The following LEO1 variants were observed in gnomAD, a reference collection of about 807,000 sequenced individuals.
LEO1 encodes the protein LEO1 component of Paf1/RNA polymerase II complex.
In LEO1, 34 loss-of-function variants were observed where a neutral mutation model predicts 80.4. The ratio of observed to expected loss-of-function variants is 0.42; its 90% CI spans 0.32 to 0.56. The LOEUF (loss-of-function observed/expected upper bound fraction) is 0.56, where lower values mean the gene tolerates loss of function less well. Among genes scored for constraint, LEO1 ranks in the 20% least tolerant of loss-of-function variants. The pLI is 0.10. For synonymous variants in LEO1, 262 were observed against 274.9 expected (o/e 0.95, Z 0.46); for missense variants, 631 against 814.2 (o/e 0.77, Z 2.74).
At chr15:51,962,956 T>C (rs1487344434) in intron 2 of LEO1, among the ~76,000 whole-genome samples, 1 of 145,476 alleles carries the variant, frequency 6.9e-6, no homozygotes, top group African/African-American at 2.5e-5. Flanking sequence ...CTCTAGTGTG[T>C]GTTAATTTAA....
In LEO1 at chr15:51,950,014, C is replaced by G. The variant is rs372424330; in HGVS notation, c.1612-20G>C. 27 of 1,588,900 alleles carry G rather than the reference C, an allele frequency of 1.7e-5. No homozygotes were observed. The highest frequency in any genetic ancestry group is 2.1e-5 in the Non-Finnish European group (24 of 1,169,418). The stretch of plus-strand genomic sequence containing the variant: ...TTCTTTCTGTAAAGAAGCAAATAAC[C>G]TCTTTAACCTAAAAAGGAGCTACTT... On this transcript the variant is annotated intron_variant, in intron 9 of 11. Transcript: ENST00000299601.
rs571297038 is a variant in LEO1 at position 51,943,733 on chromosome 15, C to CA, written c.1896+3558dup. ...AAAGAAAGAAAGAAAGGCATGATAA[C>CA]AATGTATTAGCAAGACAGAATATCA... On this transcript the variant is annotated intron_variant, in intron 11 of 11. Coordinates refer to ENST00000299601, the MANE Select transcript of LEO1 (RefSeq NM_138792.4). 1.7e-3 allele frequency among the ~76,000 whole-genome samples: 209 copies of CA among 121,788 alleles called. 1 individual carries two copies. The highest frequency in any genetic ancestry group is 6.2e-3 in the African/African-American group (202 of 32,334). The allele number at this position is 121,788 out of a possible 152,430, so 79.9% of individuals were successfully genotyped here.
intron 6 of LEO1, among the ~76,000 whole-genome samples, chr15:51,955,218 G>A (rs550669345): frequency 2.6e-5 from 4 of 152,254 alleles, no homozygotes; most frequent in Non-Finnish European, 5.9e-5. Flanking sequence ...GATTACAGGC[G>A]TGAGCCACCA....
chr15:51,964,005 G>C (rs189728862), intron 2 of LEO1, among the ~76,000 whole-genome samples: 1 of 151,998 alleles, frequency 6.6e-6, no homozygotes, highest in East Asian at 1.9e-4. Flanking sequence ...AGGAGATCGA[G>C]ACCATCCTGG....
chr15:51,952,530 A>AG (rs1566882923), intron 8 of LEO1, among the ~76,000 whole-genome samples: 1 of 152,148 alleles, frequency 6.6e-6, no homozygotes, highest in Non-Finnish European at 1.5e-5. Flanking sequence ...CCCCCTCTAA[A>AG]GATAAGCATT....
At chr15:51,954,989 T>G (rs1289736461) in intron 6 of LEO1, 1 of 152,828 alleles carries the variant, frequency 6.5e-6, no homozygotes, top group Non-Finnish European at 1.4e-5. Context: ...CAGGCTGGAG[T>G]GCAGTGGCGC....
intron 2 of LEO1, among the ~76,000 whole-genome samples, chr15:51,964,261 G>A (rs1292117199): frequency 6.6e-6 from 1 of 151,796 alleles, no homozygotes; most frequent in Non-Finnish European, 1.5e-5. Flanking sequence ...GGACATGGAT[G>A]AAGCTGGAAA....
chr15:51,954,793 T>C, intron 6 of LEO1: 1 of 519,472 alleles, frequency 1.9e-6, no homozygotes, highest in South Asian at 2.3e-5. Context: ...ATTTCTGAGC[T>C]CCTAGAATCA....
In LEO1 at chr15:51,949,913, G is replaced by A; in HGVS notation, c.1693C>T (p.Leu565=). ...RMREKQHQRG[L]SASYLEPDRY... is the part of the protein sequence containing the mutation. ...TCAGGTTCCAGGTAACTGGCGCTCA[G>A]CCCCCGCTGGTGCTGTTTCTCTCTC... Residue 565 remains leucine (L), a synonymous_variant, in exon 10 of 12, where the codon CTG becomes TTG. Transcript: ENST00000299601. The A allele has an allele frequency of 1.9e-6, 3 of 1,614,058 alleles. No individual in the cohort carries two copies. Among genetic ancestry groups the A allele is most frequent in the Non-Finnish European group, 2.5e-6 (3 of 1,180,020 alleles).
In LEO1 at chr15:51,938,159, A is replaced by C. The variant is rs748577422; in HGVS notation, c.1998T>G (p.Asp666Glu). The C allele has an allele frequency of 6.6e-7, 1 of 1,521,488 alleles. No individual in the cohort carries two copies. The highest frequency in any genetic ancestry group is 9.1e-7 in the Non-Finnish European group (1 of 1,099,618). 94.2% of individuals were successfully genotyped at this position (1,521,488 alleles called of 1,614,324 possible). ...AAATGTTTTCATATTTCATACTTCA[A>C]TCATCATCTTCTTCCTCTTCATCGC... Reference protein sequence around the residue: ...VISDEEEEDDD With the variant: ...VISDEEEEDDE The change falls in exon 12 of 12, where the codon GAT (aspartate) becomes GAG (glutamate). Residue 666 changes from aspartate (D) to glutamate (E), a missense_variant. Around this residue, in one of 4 missense-constraint regions of LEO1, gnomAD observed 117 missense variants for 163.5 expected, o/e 0.72. Transcript: ENST00000299601.
intron 11 of LEO1, among the ~76,000 whole-genome samples, chr15:51,946,006 C>T (rs2056897540): frequency 6.6e-6 from 1 of 151,568 alleles, no homozygotes; most frequent in Non-Finnish European, 1.5e-5. Flanking sequence ...TGCACTCCAG[C>T]CTGGGCAACA....
chr15:51,952,059 A>G, intron 8 of LEO1, 80 bp from the exon 9 acceptor site: 4 of 1,297,294 alleles, frequency 3.1e-6, no homozygotes, highest in Non-Finnish European at 4.3e-6. Flanking sequence ...CACAGAAGTA[A>G]GAGCCCAGTG....
Position 51,959,973 on chromosome 15 carries a change from T to C in LEO1, c.1086A>G (p.Ile362Met), listed in dbSNP as rs757999574. 1.9e-6 allele frequency: 3 copies of C among 1,613,584 alleles called. No homozygotes were observed. Among genetic ancestry groups the C allele is most frequent in the Non-Finnish European group, 1.7e-6 (2 of 1,179,692 alleles). ...PIPETRIEVE[I>M]PKVNTDLGND... The stretch of plus-strand genomic sequence containing the variant: ...TTCCTAAATCAGTGTTTACTTTGGG[T>C]ATTTCTACTTCTATTCTGGTCTCAG... The change falls in exon 5 of 12, where the codon ATA becomes ATG. Residue 362 changes from isoleucine (I) to methionine (M), a missense_variant. Around this residue, in one of 4 missense-constraint regions of LEO1, gnomAD observed 95 missense variants for 171.7 expected, o/e 0.55. Transcript: ENST00000299601.
chr15:51,967,537 C>T (rs2057087953), intron 1 of LEO1, among the ~76,000 whole-genome samples: 1 of 152,290 alleles, frequency 6.6e-6, no homozygotes, highest in South Asian at 2.1e-4. Context: ...TCTACACATC[C>T]AACAAGTTCA....
At chr15:51,962,004 A>G (rs1030237622) in intron 3 of LEO1, among the ~76,000 whole-genome samples, 1 of 151,930 alleles carries the variant, frequency 6.6e-6, no homozygotes, top group African/African-American at 2.4e-5. Context: ...TCTACTAAAA[A>G]TACAAAAAAT....
chr15:51,950,519 A>G (rs2141755705), intron 9 of LEO1, among the ~76,000 whole-genome samples: 1 of 152,310 alleles, frequency 6.6e-6, no homozygotes, highest in South Asian at 2.1e-4. Flanking sequence ...TCCTAGAGCC[A>G]CAAGGTAGAC....
intron 11 of LEO1, among the ~76,000 whole-genome samples, chr15:51,940,497 G>A (rs2056841535): frequency 6.6e-6 from 1 of 151,508 alleles, no homozygotes; most frequent in Admixed American, 6.6e-5. Context: ...GGAGATGGAG[G>A]TTGCAGTGAG....
intron 5 of LEO1, 50 bp downstream of exon 5, chr15:51,959,849 C>T: frequency 2.1e-6 from 3 of 1,444,672 alleles, no homozygotes; most frequent in Non-Finnish European, 2.8e-6. Context: ...AATAAACATT[C>T]TATGTATTTC....
intron 11 of LEO1, among the ~76,000 whole-genome samples, chr15:51,942,546 C>T (rs1191589589): frequency 6.6e-6 from 1 of 152,326 alleles, no homozygotes; most frequent in South Asian, 2.1e-4. Flanking sequence ...TGAGGACTCA[C>T]ATTTGCCTGT....
Sources: allele counts gnomAD v4.1 joint callset (sites outside exome capture counted in the v4.1 genomes callset), GRCh38; gene constraint gnomAD v4.1.1; regional missense constraint gnomAD v4.1.1; transcripts MANE v1.5; gene names NCBI Gene and HGNC (gene_info 2026-07-23, HGNC 2026-07-21).